The following RARB variants were observed in gnomAD, a reference collection of about 807,000 sequenced individuals.
RARB encodes retinoic acid receptor beta, also known as HBV-activated protein.
A neutral mutation model predicts 51.9 loss-of-function variants in RARB; 17 were observed. The observed-to-expected ratio is 0.33, with a 90% CI of 0.22 to 0.49. RARB has a LOEUF of 0.49. Among genes scored for constraint, RARB ranks in the 20% least tolerant of loss-of-function variants. The probability of loss-of-function intolerance (pLI) is 0.99; values close to 1 mark genes in which losing one functional copy is unlikely to be tolerated. For synonymous variants in RARB, 215 were observed against 195.4 expected (o/e 1.10, Z -0.84); for missense variants, 369 against 550.8 (o/e 0.67, Z 3.30).
intron 3 of RARB, among the ~76,000 whole-genome samples, chr3:25,551,790 T>C (rs1699861729): frequency 6.6e-6 from 1 of 152,172 alleles, no homozygotes; most frequent in Admixed American, 6.5e-5. Flanking sequence ...ATAGGTCTTG[T>C]GGGGATCCCA....
chr3:25,358,583 G>A (rs112255437), intron 5 of RARB, among the ~76,000 whole-genome samples: 1 of 151,940 alleles, frequency 6.6e-6, no homozygotes, highest in Non-Finnish European at 1.5e-5. Context: ...ATCCTTCCAG[G>A]TTTGCCCATT....
At chr3:25,514,804 C>T (rs1006585102) in intron 3 of RARB, among the ~76,000 whole-genome samples, 2 of 152,150 alleles carry the variant, frequency 1.3e-5, no homozygotes, top group African/African-American at 4.8e-5. Context: ...ACTCTGTGGA[C>T]TCAAGAGATT....
chr3:25,117,790 T>C (rs1421373474), intron 3 of RARB, among the ~76,000 whole-genome samples: 1 of 151,998 alleles, frequency 6.6e-6, no homozygotes. Context: ...AGGGGAAAAA[T>C]ACACCAAAGA....
chr3:24,858,054 G>C (rs1417475054), intron 1 of RARB, among the ~76,000 whole-genome samples: 3 of 152,080 alleles, frequency 2.0e-5, no homozygotes, highest in African/African-American at 7.2e-5. Flanking sequence ...TATATTCTTT[G>C]AATAAAAGAC....
chr3:25,045,952 A>G (rs1698205559), intron 2 of RARB, among the ~76,000 whole-genome samples: 1 of 152,242 alleles, frequency 6.6e-6, no homozygotes, highest in East Asian at 1.9e-4. Flanking sequence ...CAGATTTAAT[A>G]TTCATTAGAC....
chr3:25,069,351 C>T (rs546800340), intron 3 of RARB, among the ~76,000 whole-genome samples: 25 of 152,328 alleles, frequency 1.6e-4, no homozygotes, highest in African/African-American at 6.0e-4. Context: ...TCCCTCCTAT[C>T]ACTCAGTTCC....
chr3:24,887,917 G>A (rs1390624619), intron 2 of RARB, among the ~76,000 whole-genome samples: 2 of 152,250 alleles, frequency 1.3e-5, no homozygotes, highest in South Asian at 2.1e-4. Flanking sequence ...TGGGATTGAG[G>A]CAGCATAACT....
At chr3:24,943,770 G>C (rs1442174007) in intron 2 of RARB, among the ~76,000 whole-genome samples, 2 of 152,138 alleles carry the variant, frequency 1.3e-5, no homozygotes, top group African/African-American at 4.8e-5. Context: ...AAGCAGAGTG[G>C]AATGACAGAA....
chr3:25,211,818 G>C (rs1176728001), intron 5 of RARB, among the ~76,000 whole-genome samples: 1 of 152,186 alleles, frequency 6.6e-6, no homozygotes, highest in African/African-American at 2.4e-5. Flanking sequence ...TGATGGGCCA[G>C]ATTTTGTCCA....
At chr3:24,966,030 G>A (rs1037493556) in intron 2 of RARB, among the ~76,000 whole-genome samples, 1 of 152,010 alleles carries the variant, frequency 6.6e-6, no homozygotes, top group Admixed American at 6.6e-5. Flanking sequence ...CCTTATTAAA[G>A]TAAATAAGTT....
At chr3:25,475,578 A>T (rs1695906680) in intron 2 of RARB, among the ~76,000 whole-genome samples, 1 of 152,328 alleles carries the variant, frequency 6.6e-6, no homozygotes, top group East Asian at 1.9e-4. Context: ...TTGGGGCTTG[A>T]TATTTTGTGA....
chr3:25,583,856 C>G (rs1701283346), intron 5 of RARB, among the ~76,000 whole-genome samples: 1 of 152,232 alleles, frequency 6.6e-6, no homozygotes, highest in Non-Finnish European at 1.5e-5. Flanking sequence ...TTCATAACCA[C>G]TGCAGATGGG....
intron 2 of RARB, among the ~76,000 whole-genome samples, chr3:24,928,681 G>A (rs1028428303): frequency 2.0e-5 from 3 of 151,978 alleles, no homozygotes; most frequent in Non-Finnish European, 2.9e-5. Flanking sequence ...CAGTAGTGAA[G>A]TAAGGCCTGT....
intron 1 of RARB, among the ~76,000 whole-genome samples, chr3:24,856,844 G>A (rs1027509519): frequency 6.6e-6 from 1 of 152,134 alleles, no homozygotes; most frequent in African/African-American, 2.4e-5. Context: ...TCTCGAAAAA[G>A]CAATTGGATT....
intron 2 of RARB, among the ~76,000 whole-genome samples, chr3:24,950,482 A>C (rs917795712): frequency 6.6e-6 from 1 of 152,232 alleles, no homozygotes; most frequent in African/African-American, 2.4e-5. Context: ...TCCAGAACAC[A>C]GCTTTGCTCA....
chr3:25,240,071 G>C (rs1016183373), intron 5 of RARB, among the ~76,000 whole-genome samples: 3 of 148,890 alleles, frequency 2.0e-5, no homozygotes, highest in African/African-American at 7.4e-5. Context: ...TCGCTGTTTT[G>C]GGTTTGTTTG....
At chr3:25,500,903 C>G (rs1305298717) in intron 2 of RARB, among the ~76,000 whole-genome samples, 1 of 152,150 alleles carries the variant, frequency 6.6e-6, no homozygotes, top group African/African-American at 2.4e-5. Flanking sequence ...GGGAACCCAA[C>G]TCTGGTGTTT....
chr3:24,989,199 A>G (rs529692742), intron 2 of RARB, among the ~76,000 whole-genome samples: 1 of 152,336 alleles, frequency 6.6e-6, no homozygotes, highest in South Asian at 2.1e-4. Flanking sequence ...TGGTACTACC[A>G]TGATAGTCAA....
intron 5 of RARB, among the ~76,000 whole-genome samples, chr3:25,303,934 C>A (rs540845262): frequency 6.6e-6 from 1 of 152,236 alleles, no homozygotes; most frequent in South Asian, 2.1e-4. Flanking sequence ...CAGATCATAT[C>A]CAATATACTC....
Sources: allele counts gnomAD v4.1 joint callset (sites outside exome capture counted in the v4.1 genomes callset), GRCh38; gene constraint gnomAD v4.1.1; transcripts MANE v1.5; gene names NCBI Gene and HGNC (gene_info 2026-07-23, HGNC 2026-07-21).